Variants in NWD2 observed in about 807,000 individuals in gnomAD.
NWD2 encodes the protein NACHT and WD repeat domain containing 2, also known as NACHT and WD repeat domain-containing protein 2.
Under a neutral mutation model 132.7 loss-of-function variants are expected in NWD2, and 37 were observed. The observed-to-expected ratio is 0.28, with a 90% CI of 0.21 to 0.37. The LOEUF is 0.37. Ranked by LOEUF, NWD2 falls within the 10% of genes least tolerant of loss-of-function variation. The pLI is 1.00. For synonymous variants in NWD2, 705 were observed against 803.0 expected, an observed-to-expected ratio of 0.88 and a Z score of 2.06; for missense variants, 1,592 against 2,122.4, an observed-to-expected ratio of 0.75 and a Z score of 4.91.
intron 4 of NWD2, among the ~76,000 whole-genome samples, chr4:37,432,298 T>C (rs1229750089): frequency 1.3e-5 from 2 of 150,960 alleles, no homozygotes; most frequent in Non-Finnish European, 2.9e-5. Flanking sequence ...TACCCCAATA[T>C]TCCCACCCAG....
intron 1 of NWD2, among the ~76,000 whole-genome samples, chr4:37,280,981 G>A (rs1222711234): frequency 6.7e-6 from 1 of 149,404 alleles, no homozygotes; most frequent in Non-Finnish European, 1.5e-5. Flanking sequence ...GAAACCCATT[G>A]GTGTCCTTTG....
chr4:37,287,488 A>G (rs934967678), intron 1 of NWD2, among the ~76,000 whole-genome samples: 7 of 152,210 alleles, frequency 4.6e-5, no homozygotes, highest in African/African-American at 1.7e-4. Context: ...TTGGTCCCCA[A>G]GAAGTGTTCC....
chr4:37,343,831 A>G (rs547072173), intron 2 of NWD2, among the ~76,000 whole-genome samples: 42 of 152,224 alleles, frequency 2.8e-4, no homozygotes, highest in Middle Eastern at 3.4e-3. Flanking sequence ...AGATTGCTTT[A>G]TTGTTAGGTA....
chr4:37,315,426 C>T (rs1003999341), intron 1 of NWD2, among the ~76,000 whole-genome samples: 2 of 151,924 alleles, frequency 1.3e-5, no homozygotes, highest in Non-Finnish European at 2.9e-5. Flanking sequence ...CCAGCTTCTC[C>T]GTTATATATT....
rs548430195 is a variant in NWD2, at chr4:37,275,616, C to T, written c.151+30398C>T. Among the ~76,000 whole-genome samples the T allele has an allele frequency of 3.8e-3, 577 of 152,234 alleles. 1 individual carries two copies. Among genetic ancestry groups the T allele is most frequent in the Non-Finnish European group, 5.4e-3 (369 of 68,012 alleles). On this transcript the variant is annotated intron_variant, in intron 1 of 6. Transcript: ENST00000309447. ...GGAATCAAAAAAGAGCCCACATCGC[C>T]AAGTCAATCCTAAGCCAAAAGAACA... is the stretch of plus-strand genomic sequence containing the variant.
intron 2 of NWD2, among the ~76,000 whole-genome samples, chr4:37,353,042 A>AG (rs1719801091): frequency 6.6e-6 from 1 of 152,180 alleles, no homozygotes; most frequent in Admixed American, 6.5e-5. Context: ...CTTGTAAGGC[A>AG]GGCCTGATGG....
At chr4:37,398,880 A>G (rs951900724) in intron 3 of NWD2, among the ~76,000 whole-genome samples, 6 of 152,224 alleles carry the variant, frequency 3.9e-5, no homozygotes, top group Non-Finnish European at 5.9e-5. Context: ...ATAAGGAGCT[A>G]GGGAGAAACA....
At position 37,315,563 on chromosome 4, in the gene NWD2, C is replaced by T. The variant is rs77367165; in HGVS notation, c.152-10373C>T. Reference sequence around the variant, plus strand: ...TTACTGCATATCTTCTATCCTTTTACTTTCAACATATTTGTGGTTTTGGAT... The same window carrying T: ...TTACTGCATATCTTCTATCCTTTTATTTTCAACATATTTGTGGTTTTGGAT... On this transcript the variant is annotated intron_variant, in intron 1 of 6. Coordinates refer to ENST00000309447, the MANE Select transcript of NWD2 (RefSeq NM_001144990.2). Among the ~76,000 whole-genome samples, 391 of 152,068 alleles carry T rather than the reference C, an allele frequency of 2.6e-3. 6 individuals are homozygous for T. In the East Asian group the frequency reaches 0.05, roughly 20 times the overall value.
chr4:37,437,296 G>A (rs1712346248), intron 5 of NWD2, among the ~76,000 whole-genome samples: 1 of 152,084 alleles, frequency 6.6e-6, no homozygotes, highest in Non-Finnish European at 1.5e-5. Flanking sequence ...GCTCACAGAT[G>A]GCTGTCTTCT....
chr4:37,352,207 A>C (rs912826841), intron 2 of NWD2, among the ~76,000 whole-genome samples: 2 of 152,144 alleles, frequency 1.3e-5, no homozygotes, highest in Non-Finnish European at 2.9e-5. Flanking sequence ...CCTGTTCCAG[A>C]GCTGAGTTCA....
chr4:37,272,038 T>G (rs1257167176), intron 1 of NWD2, among the ~76,000 whole-genome samples: 1 of 151,726 alleles, frequency 6.6e-6, no homozygotes, highest in Non-Finnish European at 1.5e-5. Context: ...TGCAGGTCTT[T>G]TCTGTGTGAT....
chr4:37,398,789 A>C (rs1720851152), intron 3 of NWD2, among the ~76,000 whole-genome samples: 4 of 152,242 alleles, frequency 2.6e-5, no homozygotes, highest in African/African-American at 9.6e-5. Flanking sequence ...AACTTATATT[A>C]AAAGAAACAG....
In NWD2 at chr4:37,245,220, T is replaced by G; in HGVS notation, c.151+2T>G. ...TCTTCATCAGCGCCAACCCTGAAGGTACGTCCCTCGCTCGGGTTTGCCCGT... is the reference window on the plus strand; with the variant it reads ...TCTTCATCAGCGCCAACCCTGAAGGGACGTCCCTCGCTCGGGTTTGCCCGT... On this transcript the variant is annotated splice_donor_variant, in intron 1 of 6. Transcript: ENST00000309447. LOFTEE classifies it high-confidence loss of function. 1 of 1,534,832 alleles carries G rather than the reference T, an allele frequency of 6.5e-7. No individual in the cohort carries two copies. The highest frequency in any genetic ancestry group is 8.7e-7 in the Non-Finnish European group (1 of 1,143,172).
chr4:37,410,573 C>T lies in NWD2; in HGVS notation c.358-19999C>T, dbSNP rs138016059. Among the ~76,000 whole-genome samples the T allele has an allele frequency of 3.6e-3, 541 of 151,978 alleles. 2 individuals are homozygous for T. The highest frequency in any genetic ancestry group is 0.012 in the African/African-American group (514 of 41,506). ...GTGGGAGATTTTGACAACCCACTGT[C>T]AGTATTAGATCAACAAGACAGAAAA... On this transcript the variant is annotated intron_variant, in intron 3 of 6. Coordinates refer to ENST00000309447, the MANE Select transcript of NWD2 (RefSeq NM_001144990.2).
chr4:37,427,607 A>G (rs1353258584), intron 3 of NWD2, among the ~76,000 whole-genome samples: 1 of 152,216 alleles, frequency 6.6e-6, no homozygotes, highest in Non-Finnish European at 1.5e-5. Flanking sequence ...TACCATGCTG[A>G]AATAATAGAT....
intron 3 of NWD2, among the ~76,000 whole-genome samples, chr4:37,357,247 A>G (rs1719887661): frequency 6.6e-6 from 1 of 152,212 alleles, no homozygotes; most frequent in East Asian, 1.9e-4. Flanking sequence ...AGACTGACAG[A>G]CGAGTGTTAA....
intron 3 of NWD2, among the ~76,000 whole-genome samples, chr4:37,426,390 T>C (rs1310957183): frequency 1.3e-5 from 2 of 152,212 alleles, no homozygotes; most frequent in Non-Finnish European, 1.5e-5. Flanking sequence ...TGAAGTTCTG[T>C]ATTACCACTT....
chr4:37,401,618 G>A (rs1296281037), intron 3 of NWD2, among the ~76,000 whole-genome samples: 2 of 152,050 alleles, frequency 1.3e-5, no homozygotes, highest in Admixed American at 6.5e-5. Context: ...GTGTGATTAT[G>A]TTAGTCCCCT....
At chr4:37,360,805 T>C (rs2109302201) in intron 3 of NWD2, among the ~76,000 whole-genome samples, 1 of 152,312 alleles carries the variant, frequency 6.6e-6, no homozygotes, top group Non-Finnish European at 1.5e-5. Context: ...TTCTCCATGC[T>C]GCATATTTAT....
Sources: allele counts gnomAD v4.1 joint callset (sites outside exome capture counted in the v4.1 genomes callset), GRCh38; gene constraint gnomAD v4.1.1; transcripts MANE v1.5; gene names NCBI Gene and HGNC (gene_info 2026-07-23, HGNC 2026-07-21).